The following ZSWIM6 variants were observed in gnomAD, a reference collection of about 807,000 sequenced individuals.
ZSWIM6 encodes the protein zinc finger SWIM domain-containing protein 6.
ZSWIM6 carries 9 observed loss-of-function variants against 113.2 expected under a neutral mutation model. That is an observed-to-expected ratio of 0.08 (90% CI 0.05 to 0.14). The LOEUF (loss-of-function observed/expected upper bound fraction) is 0.14. Ranked by LOEUF, ZSWIM6 falls within the 10% of genes least tolerant of loss-of-function variation. ZSWIM6 has a pLI of 1.00. For missense variants in ZSWIM6, 1,162 were observed against 1,552.2 expected, an observed-to-expected ratio of 0.75 and a Z score of 4.22; for synonymous variants, 611 against 606.5, an observed-to-expected ratio of 1.01 and a Z score of -0.11.
At chr5:61,337,845 A>G (rs1333020775) in intron 1 of ZSWIM6, among the ~76,000 whole-genome samples, 2 of 152,152 alleles carry the variant, frequency 1.3e-5, no homozygotes, top group Non-Finnish European at 2.9e-5. Context: ...TTAACTTTTT[A>G]CTTTATACCT....
intron 1 of ZSWIM6, among the ~76,000 whole-genome samples, chr5:61,414,447 G>T (rs1218088570): frequency 6.6e-6 from 1 of 152,192 alleles, no homozygotes; most frequent in African/African-American, 2.4e-5. Context: ...CTGAGTCTGA[G>T]CTATGCAGTA....
At chr5:61,422,269 T>C (rs1746368597) in intron 1 of ZSWIM6, among the ~76,000 whole-genome samples, 1 of 152,256 alleles carries the variant, frequency 6.6e-6, no homozygotes, top group Non-Finnish European at 1.5e-5. Context: ...GGGTCTAGTT[T>C]CATTCTTTTG....
In ZSWIM6 at chr5:61,543,457, G is replaced by A. The variant is rs748023376; in HGVS notation, c.2788G>A (p.Val930Ile). The part of the protein sequence containing the change: ...WLVTCATEVG[V>I]YALDSIMQTW... ...GAGCCTGTTTGTGTTCCTTGCAGGGGTTTATGCCCTGGACAGCATCATGCA... is the reference window on the plus strand; with the variant it reads ...GAGCCTGTTTGTGTTCCTTGCAGGGATTTATGCCCTGGACAGCATCATGCA... Residue 930 changes from valine to isoleucine, a missense_variant and splice_region_variant, in exon 14 of 14, where the codon GTT becomes ATT. Coordinates refer to ENST00000252744, the MANE Select transcript of ZSWIM6 (RefSeq NM_020928.2). The surrounding 1 kb of genome is among the most constrained non-coding windows in gnomAD (Gnocchi z 4.3). 3.2e-4 allele frequency: 499 copies of A among 1,548,510 alleles called. No homozygotes were observed. The highest frequency in any genetic ancestry group is 2.2e-3 in the Middle Eastern group (13 of 5,954).
In ZSWIM6 at chr5:61,521,158, TA is replaced by T. The variant is rs1223792896; in HGVS notation, c.1334-102del. The T allele has an allele frequency of 9.7e-6, 6 of 618,378 alleles. No homozygotes were observed. The East Asian group carries it at 3.3e-4, about 34-fold the overall frequency. 38.3% of individuals were successfully genotyped at this position (618,378 alleles called of 1,614,324 possible). Reference sequence around the variant, plus strand: ...ATTTAAATTTAAAATTTTAAATATATAAATTACATTTTTAAATTTTAATAAA... The same window carrying T: ...ATTTAAATTTAAAATTTTAAATATATAATTACATTTTTAAATTTTAATAAA... On this transcript the variant is annotated intron_variant, in intron 4 of 13. Transcript: ENST00000252744.
At chr5:61,530,789 C>T (rs1580067275) in intron 8 of ZSWIM6, among the ~76,000 whole-genome samples, 1 of 152,168 alleles carries the variant, frequency 6.6e-6, no homozygotes, top group African/African-American at 2.4e-5. Flanking sequence ...TTGTTGCTTC[C>T]ATGGCTGGAT....
At chr5:61,468,873 G>C (rs1747499818) in intron 1 of ZSWIM6, among the ~76,000 whole-genome samples, 1 of 152,186 alleles carries the variant, frequency 6.6e-6, no homozygotes, top group South Asian at 2.1e-4. Context: ...CATATTGACT[G>C]AGTCAATGTA....
intron 2 of ZSWIM6, among the ~76,000 whole-genome samples, chr5:61,481,002 A>C (rs543850142): frequency 6.6e-6 from 1 of 152,288 alleles, no homozygotes; most frequent in East Asian, 1.9e-4. Flanking sequence ...GAATAGGTTG[A>C]ATTTGAGAAA....
chr5:61,535,495 A>G lies in ZSWIM6; in HGVS notation c.2257A>G (p.Ser753Gly), dbSNP rs1376653861. ...AVFLLEAGPY[S>G]GLGEIIHRES... ...CTCTCTTCCCACAGCCGGACCATAT[A>G]GTGGTTTAGGTGAAATAATCCATCG... The change falls in exon 10 of 14, where the codon AGT becomes GGT. Residue 753 changes from serine to glycine, a missense_variant. Ser to Gly is a moderately conservative substitution (Grantham distance 56). Around this residue, in one of 4 missense-constraint regions of ZSWIM6, gnomAD observed 620 missense variants for 804.6 expected, o/e 0.77. Coordinates refer to ENST00000252744, the MANE Select transcript of ZSWIM6 (RefSeq NM_020928.2). The G allele has an allele frequency of 6.4e-7, 1 of 1,551,354 alleles. No individual in the cohort carries two copies.
chr5:61,355,689 AT>A (rs1257225571), intron 1 of ZSWIM6, among the ~76,000 whole-genome samples: 1 of 152,184 alleles, frequency 6.6e-6, no homozygotes, highest in Non-Finnish European at 1.5e-5. Flanking sequence ...TTCATCTATA[AT>A]TTTGCTGTCT....
intron 7 of ZSWIM6, among the ~76,000 whole-genome samples, chr5:61,528,264 A>G (rs1233115995): frequency 1.7e-5 from 2 of 118,270 alleles, no homozygotes; most frequent in Non-Finnish European, 3.9e-5. Context: ...ATTGATTCTG[A>G]AAAAAAACAG....
chr5:61,332,878 G>A lies in ZSWIM6; in HGVS notation c.606G>A (p.Glu202=). Residue 202 remains glutamate, a synonymous_variant, in exon 1 of 14, where the codon GAG becomes GAA. Transcript: ENST00000252744. ...GAAGAADGGD[E]TRLPFRRGIA... ...CCGGGGCGGCGGACGGCGGCGACGA[G>A]ACGCGGCTGCCTTTCCGCCGGGGCA... The A allele has an allele frequency of 2.3e-6, 3 of 1,298,754 alleles. No homozygotes were observed. In the Admixed American group the frequency reaches 8.3e-5, roughly 36 times the overall value. The allele number at this position is 1,298,754 out of a possible 1,614,324, so 80.5% of individuals were successfully genotyped here.
rs1286786555 is a variant in ZSWIM6 at position 61,423,065 on chromosome 5, TTCTC to T, written c.677-49614_677-49611del. Reference sequence around the variant, plus strand: ...CTTCTTTTCTTTTCTTTCTTTTTCTTTCTCTTGTCTGATTACTTTAACTAGAACT... The same window carrying T: ...CTTCTTTTCTTTTCTTTCTTTTTCTTTTGTCTGATTACTTTAACTAGAACT... On this transcript the variant is annotated intron_variant, in intron 1 of 13. Coordinates refer to ENST00000252744, the MANE Select transcript of ZSWIM6 (RefSeq NM_020928.2). Among the ~76,000 whole-genome samples the T allele has an allele frequency of 6.6e-5, 10 of 152,294 alleles. No individual in the cohort carries two copies. The East Asian group carries it at 1.9e-3, about 29-fold the overall frequency.
chr5:61,399,231 GTTT>G (rs35540556), intron 1 of ZSWIM6, among the ~76,000 whole-genome samples: 1 of 117,964 alleles, frequency 8.5e-6, no homozygotes, highest in Non-Finnish European at 1.8e-5. Context: ...GGCTGTGTAT[GTTT>G]TTTTTTTTTT....
chr5:61,522,097 T>G (rs1168892523), intron 5 of ZSWIM6, among the ~76,000 whole-genome samples: 11 of 151,478 alleles, frequency 7.3e-5, no homozygotes, highest in East Asian at 1.9e-4. Context: ...TTGTTTGTTT[T>G]TTTTTGTTTT....
rs1744291820 is a variant in ZSWIM6, at chr5:61,332,809, C to CTCG, written c.537_538insTCG (p.Ala179_Ala180insSer). The CTCG allele has an allele frequency of 1.2e-5, 11 of 930,634 alleles. No individual in the cohort carries two copies. In the South Asian group the frequency reaches 1.5e-4, roughly 13 times the overall value. 57.6% of individuals were successfully genotyped at this position (930,634 alleles called of 1,614,324 possible). A position where few individuals can be genotyped will look rare whatever the true frequency, so the allele number is the denominator to read the frequency against. On this transcript the variant is annotated inframe_insertion, in exon 1 of 14. Coordinates refer to ENST00000252744, the MANE Select transcript of ZSWIM6 (RefSeq NM_020928.2). ...CCGCCGCTGCCGCCGCCGCCGCCGC[C>CTCG]GCCGCCGCCGCCGCGGGGGCCGGGG...
At position 61,543,606 on chromosome 5, in the gene ZSWIM6, C is replaced by T. The variant is rs372648564; in HGVS notation, c.2937C>T (p.Ser979=). ...ACCAGCAGGAAAAGCTGGCCAGCAG[C>T]GCCCGGACACTTGCACTGCAGTGTG... is the stretch of plus-strand genomic sequence containing the variant. ...DCHQQEKLAS[S]ARTLALQCAM... The change falls in exon 14 of 14, where the codon AGC becomes AGT. Residue 979 remains serine, a synonymous_variant. Coordinates refer to ENST00000252744, the MANE Select transcript of ZSWIM6 (RefSeq NM_020928.2). The surrounding 1 kb of genome is among the most constrained non-coding windows in gnomAD (Gnocchi z 4.3). 2.7e-4 allele frequency: 426 copies of T among 1,551,758 alleles called. 3 individuals are homozygous for T. Among genetic ancestry groups the T allele is most frequent in the African/African-American group, 5.9e-4 (43 of 73,166 alleles).
At chr5:61,462,241 A>G (rs528282848) in intron 1 of ZSWIM6, among the ~76,000 whole-genome samples, 1 of 152,312 alleles carries the variant, frequency 6.6e-6, no homozygotes, top group East Asian at 1.9e-4. Flanking sequence ...TTTTCCCCTC[A>G]GGGACAAGAT....
At position 61,531,622 on chromosome 5, in the gene ZSWIM6, A is replaced by G. The variant is rs769830528; in HGVS notation, c.2142A>G (p.Lys714=). The G allele has an allele frequency of 7.9e-5, 122 of 1,551,578 alleles. No individual in the cohort carries two copies. In the African/African-American group the frequency reaches 1.6e-3, roughly 20 times the overall value. Residue 714 remains lysine (K), a synonymous_variant, in exon 9 of 14, where the codon AAA becomes AAG. Coordinates refer to ENST00000252744, the MANE Select transcript of ZSWIM6 (RefSeq NM_020928.2). The stretch of plus-strand genomic sequence containing the variant: ...CTGATGGGCTGTACACACAAGAGAA[A>G]GTTTGCCGGAATGAGGAGCAGCTCA... ...IMPDGLYTQE[K]VCRNEEQLIS... is the part of the protein sequence containing the mutation.
At chr5:61,393,497 A>G (rs991682267) in intron 1 of ZSWIM6, among the ~76,000 whole-genome samples, 4 of 152,184 alleles carry the variant, frequency 2.6e-5, no homozygotes, top group Admixed American at 6.5e-5. Context: ...ACATATAGTT[A>G]TGCTTTATAG....
Sources: allele counts gnomAD v4.1 joint callset (sites outside exome capture counted in the v4.1 genomes callset), GRCh38; gene constraint gnomAD v4.1.1; regional missense constraint gnomAD v4.1.1; non-coding constraint Gnocchi (gnomAD v3.1); transcripts MANE v1.5; gene names NCBI Gene and HGNC (gene_info 2026-07-23, HGNC 2026-07-21).